The following CHSY3 variants were observed in gnomAD, a reference collection of about 807,000 sequenced individuals.
The protein encoded by CHSY3 is N-acetylgalactosaminyl-proteoglycan 3-beta-glucuronosyltransferase 3.
A neutral mutation model predicts 67.2 loss-of-function variants in CHSY3; 35 were observed. That is an observed-to-expected ratio of 0.52 (90% confidence interval 0.40 to 0.69). The LOEUF is 0.69. Ranked by LOEUF, CHSY3 falls within the 30% of genes least tolerant of loss-of-function variation. The pLI, the probability that CHSY3 is intolerant of heterozygous loss-of-function variation, is 0.00. For synonymous variants in CHSY3, 474 were observed against 434.7 expected (o/e 1.09, Z -1.12); for missense variants, 1,069 against 1,138.5 (o/e 0.94, Z 0.88).
chr5:130,000,910 A>G (rs182544169), intron 2 of CHSY3, among the ~76,000 whole-genome samples: 1 of 139,078 alleles, frequency 7.2e-6, no homozygotes, highest in Non-Finnish European at 1.5e-5. Flanking sequence ...TTTCTCCAAG[A>G]CAGAGTCTCG....
At chr5:129,972,136 C>A (rs918826261) in intron 2 of CHSY3, among the ~76,000 whole-genome samples, 1 of 152,028 alleles carries the variant, frequency 6.6e-6, no homozygotes, top group African/African-American at 2.4e-5. Flanking sequence ...ACAAAAAGAA[C>A]TTCAGTGTTA....
At chr5:129,904,162 G>A (rs975330355), upstream of CHSY3, among the ~76,000 whole-genome samples, 8 of 152,100 alleles carry the variant, frequency 5.3e-5, no homozygotes, top group African/African-American at 1.9e-4. Flanking sequence ...GACGGGAAAT[G>A]GGACGAAGAG....
intron 2 of CHSY3, among the ~76,000 whole-genome samples, chr5:130,124,512 A>G (rs1291084687): frequency 1.3e-5 from 2 of 151,358 alleles, no homozygotes; most frequent in African/African-American, 2.4e-5. Context: ...CTGGAGTGCA[A>G]TGGCGTGATC....
chr5:130,128,938 T>C (rs1768389966), intron 2 of CHSY3, among the ~76,000 whole-genome samples: 1 of 152,068 alleles, frequency 6.6e-6, no homozygotes, highest in African/African-American at 2.4e-5. Flanking sequence ...GAGGTTTTTT[T>C]TTTTTCCTTT....
At chr5:130,063,791 A>G (rs1765789914) in intron 2 of CHSY3, among the ~76,000 whole-genome samples, 1 of 152,122 alleles carries the variant, frequency 6.6e-6, no homozygotes, top group Non-Finnish European at 1.5e-5. Flanking sequence ...TGGAAGGGCA[A>G]GAAAGCAAGC....
chr5:130,044,742 T>C (rs1765096203), intron 2 of CHSY3, among the ~76,000 whole-genome samples: 1 of 152,010 alleles, frequency 6.6e-6, no homozygotes, highest in Admixed American at 6.6e-5. Context: ...AGGGTATCAT[T>C]ATGGGAGTGG....
intron 2 of CHSY3, among the ~76,000 whole-genome samples, chr5:130,132,368 A>G (rs1467364509): frequency 6.6e-6 from 1 of 152,206 alleles, no homozygotes; most frequent in African/African-American, 2.4e-5. Context: ...GGAACTGGAG[A>G]TGCCGAACTG....
At chr5:130,081,399 T>C (rs953390123) in intron 2 of CHSY3, among the ~76,000 whole-genome samples, 1 of 151,768 alleles carries the variant, frequency 6.6e-6, no homozygotes, top group Non-Finnish European at 1.5e-5. Context: ...CTTCTTCAGG[T>C]CAGCATGTGA....
intron 2 of CHSY3, among the ~76,000 whole-genome samples, chr5:129,948,539 TTATAAA>T (rs1005277437): frequency 6.6e-6 from 1 of 152,232 alleles, no homozygotes; most frequent in African/African-American, 2.4e-5. Flanking sequence ...TAAGGCAGAG[TTATAAA>T]TATATGTTCA....
At chr5:130,183,378 G>A (rs1358497069) in intron 2 of CHSY3, among the ~76,000 whole-genome samples, 1 of 151,018 alleles carries the variant, frequency 6.6e-6, no homozygotes, top group African/African-American at 2.4e-5. Context: ...GATCAGTATA[G>A]TTTCCGTTTC....
At chr5:130,162,392 A>T (rs983215889) in intron 2 of CHSY3, among the ~76,000 whole-genome samples, 1 of 152,258 alleles carries the variant, frequency 6.6e-6, no homozygotes, top group Non-Finnish European at 1.5e-5. Flanking sequence ...AGACTGACAT[A>T]GACAAATAGT....
At chr5:129,954,562 T>A (rs1762114959) in intron 2 of CHSY3, among the ~76,000 whole-genome samples, 1 of 152,060 alleles carries the variant, frequency 6.6e-6, no homozygotes, top group Non-Finnish European at 1.5e-5. Context: ...AATCTATAAA[T>A]TACTTTGGTC....
chr5:129,928,016 ATAG>A (rs984017078), intron 2 of CHSY3, among the ~76,000 whole-genome samples: 2 of 152,044 alleles, frequency 1.3e-5, no homozygotes, highest in African/African-American at 2.4e-5. Flanking sequence ...AAATTTTAGA[ATAG>A]TAGAAAATTA....
At chr5:129,977,139 G>A (rs1266383464) in intron 2 of CHSY3, among the ~76,000 whole-genome samples, 1 of 152,038 alleles carries the variant, frequency 6.6e-6, no homozygotes, top group Non-Finnish European at 1.5e-5. Flanking sequence ...AGCTCACATA[G>A]TTTTGGGTAA....
At chr5:130,086,746 G>A (rs866421093) in intron 2 of CHSY3, among the ~76,000 whole-genome samples, 27 of 152,024 alleles carry the variant, frequency 1.8e-4, no homozygotes, top group African/African-American at 5.6e-4. Context: ...ACCAAAAAGA[G>A]TCCAGGACCA....
chr5:129,916,064 T>C (rs550687277), intron 2 of CHSY3, among the ~76,000 whole-genome samples: 81 of 152,336 alleles, frequency 5.3e-4, no homozygotes, highest in African/African-American at 1.3e-3. Flanking sequence ...TTAGAGATAA[T>C]ACAGTTATGG....
chr5:130,149,063 A>T (rs1769157074), intron 2 of CHSY3, among the ~76,000 whole-genome samples: 2 of 152,032 alleles, frequency 1.3e-5, no homozygotes, highest in African/African-American at 4.8e-5. Flanking sequence ...TCTTGAGTTG[A>T]TTTGTGTATA....
chr5:130,096,888 C>A (rs962297089), intron 2 of CHSY3, among the ~76,000 whole-genome samples: 3 of 152,076 alleles, frequency 2.0e-5, no homozygotes, highest in Non-Finnish European at 4.4e-5. Context: ...TATTTTTATT[C>A]TCTTATCCTT....
In CHSY3 at chr5:129,939,772, T is replaced by A. The variant is rs572429542; in HGVS notation, c.1086+31412T>A. ...CGTGCTCATAGCTTTTTCATGCAGA[T>A]CCTTTACTATCAATTAACATAGGAA... is the stretch of plus-strand genomic sequence containing the variant. On this transcript the variant is annotated intron_variant, in intron 2 of 2. Coordinates refer to ENST00000305031, the MANE Select transcript of CHSY3 (RefSeq NM_175856.5). 4.6e-5 allele frequency among the ~76,000 whole-genome samples: 7 copies of A among 152,326 alleles called. No individual in the cohort carries two copies. In the East Asian group the frequency reaches 1.3e-3, roughly 29 times the overall value.
Sources: allele counts gnomAD v4.1 joint callset (sites outside exome capture counted in the v4.1 genomes callset), GRCh38; gene constraint gnomAD v4.1.1; transcripts MANE v1.5; gene names NCBI Gene and HGNC (gene_info 2026-07-23, HGNC 2026-07-21).